GDF1: variants seen among roughly 807,000 people sequenced by gnomAD.
The protein encoded by GDF1 is embryonic growth/differentiation factor 1.
A neutral mutation model predicts 7.4 loss-of-function variants in GDF1; 8 were observed. The ratio of observed to expected loss-of-function variants is 1.09; its 90% CI spans 0.64 to 1.96. The LOEUF (loss-of-function observed/expected upper bound fraction) is 1.96. Ranked by LOEUF, GDF1 falls within the 30% of genes most tolerant of loss-of-function variation. GDF1 has a pLI of 0.00. For missense variants in GDF1, 574 were observed against 551.5 expected (o/e 1.04, Z -0.41); for synonymous variants, 311 against 276.7 (o/e 1.12, Z -1.23).
In GDF1 at chr19:18,868,746, T is replaced by TGA. The variant is rs1160863716; in HGVS notation, c.968_969dup (p.Met324SerfsTer62). ...GCGGCTCCCGGGGCGGCCGCGTGCA[T>TGA]GAGCGCGCGCAGCACAGCGTGGTTG... is the stretch of plus-strand genomic sequence containing the variant. On this transcript the variant is annotated frameshift_variant, in exon 8 of 8. Coordinates refer to ENST00000247005, the MANE Select transcript of GDF1 (RefSeq NM_001492.6). LOFTEE classifies it low-confidence loss of function (END_TRUNC). 3.9e-6 allele frequency: 6 copies of TGA among 1,523,558 alleles called. No homozygotes were observed. In the South Asian group the frequency reaches 7.2e-5, roughly 18 times the overall value. 94.4% of individuals were successfully genotyped at this position (1,523,558 alleles called of 1,614,324 possible).
intron 6 of GDF1, among the ~76,000 whole-genome samples, chr19:18,874,340 G>A (rs1432369685): frequency 6.6e-6 from 1 of 152,200 alleles, no homozygotes; most frequent in Non-Finnish European, 1.5e-5. Flanking sequence ...GTCTTGCTCT[G>A]TTACCGCAGC....
chr19:18,891,063 G>A (rs563039805), intron 2 of GDF1, among the ~76,000 whole-genome samples: 1 of 151,990 alleles, frequency 6.6e-6, no homozygotes, highest in East Asian at 1.9e-4. Flanking sequence ...GGTGGAGATT[G>A]CAGTGAGCCG....
chr19:18,870,278 G>T lies in GDF1; in HGVS notation c.30C>A (p.Gly10=), dbSNP rs761038780. 55 of 1,548,852 alleles carry T rather than the reference G, an allele frequency of 3.6e-5. No individual in the cohort carries two copies. The highest frequency in any genetic ancestry group is 4.4e-5 in the Non-Finnish European group (50 of 1,148,828). Residue 10 remains glycine (G), a synonymous_variant, in exon 7 of 8, where the codon GGC becomes GGA. Coordinates refer to ENST00000247005, the MANE Select transcript of GDF1 (RefSeq NM_001492.6). The surrounding 1 kb of genome is among the most constrained non-coding windows in gnomAD (Gnocchi z 5.1). The stretch of plus-strand genomic sequence containing the variant: ...GGGCCAGGAGGAGGAGGAGGTGGTG[G>T]CCGCAGGGACCTTGCTGCGGCGGTG... MPPPQQGPC[G]HHLLLLLALL...
At chr19:18,889,358 G>A (rs747461978) in intron 2 of GDF1, among the ~76,000 whole-genome samples, 3 of 152,066 alleles carry the variant, frequency 2.0e-5, no homozygotes, top group Non-Finnish European at 2.9e-5. Context: ...CAACCGTCCT[G>A]TAGCTCCTTC....
At position 18,870,351 on chromosome 19, in the gene GDF1, G is replaced by A; in HGVS notation, c.-44C>T. ...CCAGAGAGTGCGCAGGGTCCGCGGC[G>A]GCCCGGGACCAGTGGGCTGAGGGCG... On this transcript the variant is annotated 5_prime_UTR_variant, in exon 7 of 8. Transcript: ENST00000247005. The surrounding 1 kb of genome is among the most constrained non-coding windows in gnomAD (Gnocchi z 5.1). The A allele has an allele frequency of 6.5e-7, 1 of 1,541,406 alleles. No individual in the cohort carries two copies.
intron 7 of GDF1, 99 bp downstream of exon 7, chr19:18,869,884 G>C: frequency 3.3e-6 from 4 of 1,203,274 alleles, no homozygotes; most frequent in South Asian, 1.3e-5. Context: ...GGCGGGTGGG[G>C]ACCCTCGGAG....
chr19:18,868,919 G>A lies in GDF1; in HGVS notation c.797C>T (p.Ala266Val), dbSNP rs2055905738. The change falls in exon 8 of 8, where the codon GCT becomes GTT. Residue 266 changes from alanine to valine, a missense_variant. Ala to Val is a moderately conservative substitution (Grantham distance 64). Transcript: ENST00000247005. The part of the protein sequence containing the change: ...EPVLGGGPGG[A>V]CRARRLYVSF... ...CACGTACAGCCGCCGCGCGCGACAAGCGCCCCCGGGGCCGCCGCCCAACAC... is the reference window on the plus strand; with the variant it reads ...CACGTACAGCCGCCGCGCGCGACAAACGCCCCCGGGGCCGCCGCCCAACAC... The A allele has an allele frequency of 7.3e-7, 1 of 1,360,902 alleles. No homozygotes were observed. Among genetic ancestry groups the A allele is most frequent in the Non-Finnish European group, 9.5e-7 (1 of 1,047,424 alleles). The allele number at this position is 1,360,902 out of a possible 1,614,324, so 84.3% of individuals were successfully genotyped here. A position where few individuals can be genotyped will look rare whatever the true frequency, so the allele number is the denominator to read the frequency against.
intron 3 of GDF1, among the ~76,000 whole-genome samples, chr19:18,880,724 G>T (rs929861457): frequency 6.6e-6 from 1 of 151,696 alleles, no homozygotes; most frequent in African/African-American, 2.4e-5. Flanking sequence ...TTTGAGACAG[G>T]GTCTTGCTCT....
intron 6 of GDF1, among the ~76,000 whole-genome samples, chr19:18,872,709 T>TATA (rs370227341): frequency 0.46 from 69,570 of 151,888 alleles, 16,137 homozygotes; most frequent in South Asian, 0.6. Flanking sequence ...AGAGATGCGG[T>TATA]TTTACCATGT....
chr19:18,869,522 CG>C, intron 7 of GDF1, 132 bp from the exon 8 acceptor site: 1 of 845,764 alleles, frequency 1.2e-6, no homozygotes, highest in Non-Finnish European at 1.4e-6. Context: ...TGTGAAGCGG[CG>C]GGGTGGGCTG....
intron 1 of GDF1, among the ~76,000 whole-genome samples, chr19:18,893,858 G>A (rs2056558926): frequency 6.6e-6 from 1 of 151,936 alleles, no homozygotes; most frequent in South Asian, 2.1e-4. Context: ...GGACACTTGG[G>A]CTTACGATGA....
intron 7 of GDF1, 144 bp downstream of exon 7, chr19:18,869,839 G>T: frequency 1.3e-6 from 1 of 755,488 alleles, no homozygotes; most frequent in South Asian, 1.5e-5. Context: ...GAAAGGGTGA[G>T]GTGCGGTGGC....
At chr19:18,873,238 GA>G (rs1020269714) in intron 6 of GDF1, among the ~76,000 whole-genome samples, 2 of 152,098 alleles carry the variant, frequency 1.3e-5, no homozygotes, top group African/African-American at 2.4e-5. Context: ...GAAGATGCTG[GA>G]AATGTCAAAC....
intron 6 of GDF1, among the ~76,000 whole-genome samples, chr19:18,873,249 C>G (rs115041858): frequency 0.01 from 1,527 of 152,146 alleles, 39 homozygotes; most frequent in African/African-American, 0.035. Flanking sequence ...AAATGTCAAA[C>G]ACGGGAGATG....
In GDF1 at chr19:18,879,306, G is replaced by T. The variant is rs368072339; in HGVS notation, c.-488C>A. On this transcript the variant is annotated 5_prime_UTR_variant, in exon 5 of 8. Coordinates refer to ENST00000247005, the MANE Select transcript of GDF1 (RefSeq NM_001492.6). Reference sequence around the variant, plus strand: ...AGCGCATTGAAGAAGAAGTAGAAGGGGATGTCAGGCACCGTGCGCAGACTG... The same window carrying T: ...AGCGCATTGAAGAAGAAGTAGAAGGTGATGTCAGGCACCGTGCGCAGACTG... The T allele has an allele frequency of 2.4e-5, 38 of 1,612,698 alleles. No homozygotes were observed. Among genetic ancestry groups the T allele is most frequent in the Non-Finnish European group, 5.9e-6 (7 of 1,179,484 alleles).
In GDF1 at chr19:18,870,726, C is replaced by T; in HGVS notation, c.-312-107G>A. ...TTCACACCCCCTGGCTCCTTTTACC[C>T]GGCCAGGCCCGGGCCTCGCCTTGTG... On this transcript the variant is annotated intron_variant, in intron 6 of 7. Transcript: ENST00000247005. The surrounding 1 kb of genome is among the most constrained non-coding windows in gnomAD (Gnocchi z 5.1). The T allele has an allele frequency of 2.2e-6, 1 of 457,698 alleles. No homozygotes were observed. Among genetic ancestry groups the T allele is most frequent in the Non-Finnish European group, 4.0e-6 (1 of 252,342 alleles). The allele number at this position is 457,698 out of a possible 1,614,324, so 28.4% of individuals were successfully genotyped here.
Position 18,895,817 on chromosome 19 carries a change from C to A in GDF1, c.-1074+7G>T. 7.9e-7 allele frequency: 1 copy of A among 1,259,556 alleles called. No homozygotes were observed. The highest frequency in any genetic ancestry group is 2.1e-5 in the South Asian group (1 of 46,854). 78.0% of individuals were successfully genotyped at this position (1,259,556 alleles called of 1,614,324 possible). A position where few individuals can be genotyped will look rare whatever the true frequency, so the allele number is the denominator to read the frequency against. On this transcript the variant is annotated splice_region_variant and intron_variant, in intron 1 of 7. Coordinates refer to ENST00000247005, the MANE Select transcript of GDF1 (RefSeq NM_001492.6). This position sits in a 1 kb window ranked among gnomAD's most constrained non-coding sequence, Gnocchi z 6.4. ...GTCCCCTCGTCCCGGCCCCCGGCCA[C>A]ACTGACCCGAAAGAGGCGCGCAGTG...
chr19:18,880,572 G>A (rs1245520177), intron 3 of GDF1, 137 bp from the exon 4 acceptor site: 31 of 765,578 alleles, frequency 4.0e-5, no homozygotes, highest in East Asian at 8.9e-5. Flanking sequence ...TTCCTGCCTC[G>A]CCTGCCCTGC....
At chr19:18,876,910 G>A (rs2056070124) in intron 6 of GDF1, among the ~76,000 whole-genome samples, 1 of 152,148 alleles carries the variant, frequency 6.6e-6, no homozygotes, top group African/African-American at 2.4e-5. Context: ...TGGTCCAGGA[G>A]CCCATGCTGC....
Sources: allele counts gnomAD v4.1 joint callset (sites outside exome capture counted in the v4.1 genomes callset), GRCh38; gene constraint gnomAD v4.1.1; non-coding constraint Gnocchi (gnomAD v3.1); transcripts MANE v1.5; gene names NCBI Gene and HGNC (gene_info 2026-07-23, HGNC 2026-07-21).